The following NKAIN3 variants were observed in gnomAD, a reference collection of about 807,000 sequenced individuals.
NKAIN3 encodes the protein sodium/potassium-transporting ATPase subunit beta-1-interacting protein 3.
Under a neutral mutation model 30.2 loss-of-function variants are expected in NKAIN3, and 25 were observed. The ratio of observed to expected loss-of-function variants is 0.83; its 90% confidence interval spans 0.60 to 1.16. The LOEUF (loss-of-function observed/expected upper bound fraction) is 1.16, where lower values mean the gene tolerates loss of function less well. NKAIN3 is among the 50% of genes most tolerant of loss of function. The pLI, the probability that NKAIN3 is intolerant of heterozygous loss-of-function variation, is 0.00. For missense variants in NKAIN3, 225 were observed against 254.1 expected (o/e 0.89, Z 0.78); for synonymous variants, 91 against 89.6 (o/e 1.02, Z -0.09).
intron 4 of NKAIN3, among the ~76,000 whole-genome samples, chr8:62,779,042 G>T (rs1414346696): frequency 6.6e-6 from 1 of 151,960 alleles, no homozygotes; most frequent in Non-Finnish European, 1.5e-5. Context: ...TCAGGACTCT[G>T]CCAGGTGCCC....
At chr8:62,872,087 A>G (rs1439635762) in intron 4 of NKAIN3, among the ~76,000 whole-genome samples, 1 of 152,220 alleles carries the variant, frequency 6.6e-6, no homozygotes, top group Non-Finnish European at 1.5e-5. Flanking sequence ...ATCTGCCCAC[A>G]GTATTCAGTA....
At chr8:62,819,897 A>G (rs1011755851) in intron 4 of NKAIN3, among the ~76,000 whole-genome samples, 2 of 152,160 alleles carry the variant, frequency 1.3e-5, no homozygotes, top group Non-Finnish European at 2.9e-5. Context: ...TTTAAAAATA[A>G]GCAAAATATA....
At chr8:62,698,867 G>A (rs1162861786) in intron 3 of NKAIN3, among the ~76,000 whole-genome samples, 3 of 152,126 alleles carry the variant, frequency 2.0e-5, no homozygotes, top group Non-Finnish European at 4.4e-5. Context: ...CCTCCCTTGT[G>A]ATTGACATCA....
At chr8:62,583,915 A>G (rs906187333) in intron 2 of NKAIN3, among the ~76,000 whole-genome samples, 1 of 152,214 alleles carries the variant, frequency 6.6e-6, no homozygotes, top group African/African-American at 2.4e-5. Flanking sequence ...ATTGCCTTTT[A>G]AAAAAGAGCA....
chr8:62,548,693 A>G (rs1010888688), intron 1 of NKAIN3, among the ~76,000 whole-genome samples: 2 of 123,034 alleles, frequency 1.6e-5, no homozygotes, highest in African/African-American at 7.0e-5. Context: ...TTTGTTAAGT[A>G]AAAAAGAGCT....
In NKAIN3 at chr8:62,820,791, A is replaced by G. The variant is rs181608850; in HGVS notation, c.471+73662A>G. On this transcript the variant is annotated intron_variant, in intron 4 of 6. Transcript: ENST00000623646. The stretch of plus-strand genomic sequence containing the variant: ...AAGCTTGATTATGTTAGAATACCAT[A>G]TTAGGGAGCTGTAAGAATCCATGAA... 2.1e-4 allele frequency among the ~76,000 whole-genome samples: 32 copies of G among 152,296 alleles called. No homozygotes were observed. The East Asian group carries it at 4.8e-3, about 23-fold the overall frequency.
At chr8:62,396,902 C>T (rs909461658) in intron 1 of NKAIN3, among the ~76,000 whole-genome samples, 12 of 152,146 alleles carry the variant, frequency 7.9e-5, no homozygotes, top group Admixed American at 4.6e-4. Context: ...ACTTCCCTGA[C>T]CTCAGTTTAT....
chr8:62,916,085 T>C (rs973466414), intron 4 of NKAIN3, among the ~76,000 whole-genome samples: 1 of 152,000 alleles, frequency 6.6e-6, no homozygotes, highest in Non-Finnish European at 1.5e-5. Context: ...ACTGCTGTGA[T>C]AGGATAGATG....
At chr8:62,659,797 C>T (rs555220352) in intron 3 of NKAIN3, among the ~76,000 whole-genome samples, 1 of 152,244 alleles carries the variant, frequency 6.6e-6, no homozygotes, top group South Asian at 2.1e-4. Flanking sequence ...ATCATGGAGA[C>T]AGGTCTTTTC....
At chr8:62,285,448 C>T (rs1813350341) in intron 1 of NKAIN3, among the ~76,000 whole-genome samples, 1 of 152,138 alleles carries the variant, frequency 6.6e-6, no homozygotes, top group African/African-American at 2.4e-5. Context: ...GCTGAAGAGG[C>T]TGAACCAAAA....
At chr8:62,585,469 T>G (rs972777100) in intron 2 of NKAIN3, among the ~76,000 whole-genome samples, 3 of 152,186 alleles carry the variant, frequency 2.0e-5, no homozygotes, top group Non-Finnish European at 4.4e-5. Flanking sequence ...AGGGCAGCCA[T>G]TCCCAAACTT....
intron 4 of NKAIN3, among the ~76,000 whole-genome samples, chr8:62,898,372 A>G (rs1217356396): frequency 1.3e-5 from 2 of 152,224 alleles, no homozygotes; most frequent in African/African-American, 4.8e-5. Context: ...ACCAGGGAAT[A>G]CTACCCAGCC....
At chr8:62,828,638 A>G (rs1417124479) in intron 4 of NKAIN3, among the ~76,000 whole-genome samples, 1 of 151,958 alleles carries the variant, frequency 6.6e-6, no homozygotes, top group Non-Finnish European at 1.5e-5. Context: ...CACTCTTTGA[A>G]TCTGTTAGAG....
At chr8:62,844,280 G>T (rs1217357819) in intron 4 of NKAIN3, among the ~76,000 whole-genome samples, 2 of 152,048 alleles carry the variant, frequency 1.3e-5, no homozygotes, top group African/African-American at 4.8e-5. Context: ...GCATAATGGG[G>T]GAACTCTCCA....
intron 1 of NKAIN3, among the ~76,000 whole-genome samples, chr8:62,315,011 T>C (rs1338329369): frequency 1.3e-5 from 2 of 152,260 alleles, no homozygotes; most frequent in South Asian, 2.1e-4. Flanking sequence ...AGGACTTTAC[T>C]GGGGATATAA....
At chr8:62,625,949 C>CAA (rs55634777) in intron 3 of NKAIN3, among the ~76,000 whole-genome samples, 68 of 151,528 alleles carry the variant, frequency 4.5e-4, no homozygotes, top group African/African-American at 1.1e-3. Context: ...ACATAATTGA[C>CAA]AAAAAAAATC....
chr8:62,999,047 C>A (rs1804190828), intron 5 of NKAIN3, among the ~76,000 whole-genome samples: 1 of 152,110 alleles, frequency 6.6e-6, no homozygotes, highest in African/African-American at 2.4e-5. Context: ...AGGCCCTTTG[C>A]TCATTTTTTA....
At position 62,760,438 on chromosome 8, in the gene NKAIN3, A is replaced by G. The variant is rs181790256; in HGVS notation, c.471+13309A>G. On this transcript the variant is annotated intron_variant, in intron 4 of 6. Transcript: ENST00000623646. ...TGGCACATATACACCATGGAATACC[A>G]TGCAGCCATAAAATATGATGAATTC... Among the ~76,000 whole-genome samples, 474 of 152,334 alleles carry G rather than the reference A, an allele frequency of 3.1e-3. 1 individual carries two copies. The highest frequency in any genetic ancestry group is 0.01 in the African/African-American group (416 of 41,562).
intron 1 of NKAIN3, among the ~76,000 whole-genome samples, chr8:62,417,040 G>A (rs1202870044): frequency 6.6e-6 from 1 of 150,928 alleles, no homozygotes; most frequent in Non-Finnish European, 1.5e-5. Context: ...TCACCCTGTT[G>A]TACCATCAAA....
Sources: allele counts gnomAD v4.1 joint callset (sites outside exome capture counted in the v4.1 genomes callset), GRCh38; gene constraint gnomAD v4.1.1; transcripts MANE v1.5; gene names NCBI Gene and HGNC (gene_info 2026-07-23, HGNC 2026-07-21).